Variants in HK2 observed in about 807,000 individuals in gnomAD.
The protein encoded by HK2 is hexokinase-2.
Under a neutral mutation model 92.9 loss-of-function variants are expected in HK2, and 42 were observed. The ratio of observed to expected loss-of-function variants is 0.45; its 90% CI spans 0.35 to 0.58. The LOEUF (loss-of-function observed/expected upper bound fraction) is 0.58, where lower values mean the gene tolerates loss of function less well. Among genes scored for constraint, HK2 ranks in the 20% least tolerant of loss-of-function variants. HK2 has a pLI of 0.00. For synonymous variants in HK2, 422 were observed against 468.0 expected, an observed-to-expected ratio of 0.90 and a Z score of 1.27; for missense variants, 978 against 1,245.1, an observed-to-expected ratio of 0.79 and a Z score of 3.23.
In HK2 at chr2:74,834,712, C is replaced by T; in HGVS notation, c.63+69C>T. On this transcript the variant is annotated intron_variant, in intron 1 of 17. Transcript: ENST00000290573. The surrounding 1 kb of genome is among the most constrained non-coding windows in gnomAD (Gnocchi z 4.2). ...TGGTCTGGCCTCCATCAGTCTCTTC[C>T]TCGACCCTGCGGGGACCCGCTTCCT... 11 of 1,534,672 alleles carry T rather than the reference C, an allele frequency of 7.2e-6. No individual in the cohort carries two copies. Among genetic ancestry groups the T allele is most frequent in the Non-Finnish European group, 9.9e-6 (11 of 1,108,344 alleles).
intron 8 of HK2, among the ~76,000 whole-genome samples, 196 bp downstream of exon 8, chr2:74,877,517 TG>T (rs1284501950): frequency 3.3e-5 from 5 of 152,188 alleles, no homozygotes; most frequent in African/African-American, 1.2e-4. Context: ...CGATTGTGAT[TG>T]CTACCAGTGA....
At chr2:74,867,580 T>G in intron 2 of HK2, 56 bp from the exon 3 acceptor site, 1 of 1,604,830 alleles carries the variant, frequency 6.2e-7, no homozygotes, top group Non-Finnish European at 8.5e-7. Flanking sequence ...TAAGTCTCGG[T>G]TGGTTCCTGG....
In HK2 at chr2:74,869,452, T is replaced by C. The variant is rs1689041965; in HGVS notation, c.375+1668T>C. 2.0e-5 allele frequency among the ~76,000 whole-genome samples: 3 copies of C among 152,336 alleles called. No homozygotes were observed. The South Asian group carries it at 6.2e-4, about 32-fold the overall frequency. On this transcript the variant is annotated intron_variant, in intron 3 of 17. Coordinates refer to ENST00000290573, the MANE Select transcript of HK2 (RefSeq NM_000189.5). ...AACAAATGGATTGTAAATATACACT[T>C]TGGTTAAGAACAAATCTTGGAATCC...
chr2:74,875,136 C>T (rs1276876699), intron 7 of HK2, among the ~76,000 whole-genome samples: 2 of 152,112 alleles, frequency 1.3e-5, no homozygotes, highest in African/African-American at 2.4e-5. Context: ...GCCAAATGTG[C>T]GTGTGAAAGA....
intron 2 of HK2, among the ~76,000 whole-genome samples, chr2:74,858,804 T>G (rs1173368069): frequency 1.3e-5 from 2 of 152,172 alleles, no homozygotes; most frequent in African/African-American, 4.8e-5. Context: ...TTTCAGGCCA[T>G]TTATTTGTGG....
chr2:74,877,304 C>A lies in HK2; in HGVS notation c.1014C>A (p.Asp338Glu). Residue 338 changes from aspartate to glutamate, a missense_variant, in exon 8 of 18, where the codon GAC becomes GAA. Transcript: ENST00000290573. ...ACACCGGTCGCTTTGAGACCAAAGA[C>A]ATCTCAGACATTGAAGGGTGAGCTT... Reference protein sequence around the residue: ...LLNTGRFETKDISDIEGEKDG... With the variant: ...LLNTGRFETKEISDIEGEKDG... 6.2e-6 allele frequency: 10 copies of A among 1,614,078 alleles called. No homozygotes were observed. The highest frequency in any genetic ancestry group is 8.5e-6 in the Non-Finnish European group (10 of 1,179,978).
intron 2 of HK2, among the ~76,000 whole-genome samples, chr2:74,863,609 A>T (rs1173912655): frequency 6.6e-6 from 1 of 152,220 alleles, no homozygotes; most frequent in Non-Finnish European, 1.5e-5. Flanking sequence ...TTACCTGCTT[A>T]GGACTTGGAG....
chr2:74,891,883 G>A lies in HK2; in HGVS notation c.*942G>A, dbSNP rs1220600100. ...AGAATTGGCCTCAGTGTAGTTAAAG[G>A]GCAGAAGGGGAAGATACTGACTAGT... On this transcript the variant is annotated 3_prime_UTR_variant, in exon 18 of 18. Coordinates refer to ENST00000290573, the MANE Select transcript of HK2 (RefSeq NM_000189.5). The A allele has an allele frequency of 2.6e-5, 4 of 152,636 alleles. No homozygotes were observed. Among genetic ancestry groups the A allele is most frequent in the Admixed American group, 2.0e-4 (3 of 15,280 alleles). 9.5% of individuals were successfully genotyped at this position (152,636 alleles called of 1,614,324 possible).
chr2:74,852,892 C>T (rs1688603011), intron 1 of HK2, among the ~76,000 whole-genome samples: 1 of 152,144 alleles, frequency 6.6e-6, no homozygotes, highest in Admixed American at 6.5e-5. Context: ...GTGCCAGCCT[C>T]CAGGTATGCA....
chr2:74,864,681 A>G (rs1179181665), intron 2 of HK2, among the ~76,000 whole-genome samples: 3 of 152,060 alleles, frequency 2.0e-5, no homozygotes, highest in African/African-American at 7.2e-5. Context: ...AAATTTTTGT[A>G]TTATTAGTAG....
intron 2 of HK2, among the ~76,000 whole-genome samples, chr2:74,864,039 T>A (rs142930964): frequency 6.6e-6 from 1 of 152,298 alleles, no homozygotes; most frequent in Non-Finnish European, 1.5e-5. Context: ...GAAAGTCCCA[T>A]GTCATAGGAA....
intron 6 of HK2, 147 bp from the exon 7 acceptor site, chr2:74,874,119 T>G (rs1689166216): frequency 1.9e-6 from 2 of 1,075,212 alleles, no homozygotes; most frequent in Non-Finnish European, 1.4e-6. Context: ...GGCAGAAGAT[T>G]AGACCATGTA....
intron 1 of HK2, among the ~76,000 whole-genome samples, chr2:74,840,715 A>C (rs1383524820): frequency 2.1e-5 from 3 of 144,182 alleles, no homozygotes; most frequent in Non-Finnish European, 4.5e-5. Flanking sequence ...AAAATACAAA[A>C]AAAAAAAAAA....
chr2:74,850,485 G>A (rs1480164869), intron 1 of HK2, among the ~76,000 whole-genome samples: 1 of 152,174 alleles, frequency 6.6e-6, no homozygotes, highest in Non-Finnish European at 1.5e-5. Flanking sequence ...AGACAAACTA[G>A]ATAAATTCGA....
intron 17 of HK2, 77 bp from the exon 18 acceptor site, chr2:74,890,720 C>A: frequency 6.6e-7 from 1 of 1,518,928 alleles, no homozygotes; most frequent in Non-Finnish European, 9.1e-7. Flanking sequence ...CGCTTCTTAG[C>A]TTTCATTTCT....
rs536326104 is a variant in HK2 at position 74,838,328 on chromosome 2, G to A, written c.63+3685G>A. On this transcript the variant is annotated intron_variant, in intron 1 of 17. Transcript: ENST00000290573. ...TGCAGGAAGTGGAGGAGCTGGGCAG[G>A]GCCAGCTAGTCTTAGGCTAAAGGGA... Among the ~76,000 whole-genome samples, 11 of 152,154 alleles carry A rather than the reference G, an allele frequency of 7.2e-5. No individual in the cohort carries two copies. The East Asian group carries it at 1.9e-3, about 27-fold the overall frequency.
chr2:74,876,002 T>C (rs193182593), intron 7 of HK2, among the ~76,000 whole-genome samples: 72 of 152,360 alleles, frequency 4.7e-4, no homozygotes, highest in African/African-American at 1.7e-3. Context: ...AAATGTTGAC[T>C]GGAACAAAGT....
Position 74,858,062 on chromosome 2 carries a change from A to G in HK2, c.226+3607A>G, listed in dbSNP as rs142369047. 6.2e-3 allele frequency among the ~76,000 whole-genome samples: 942 copies of G among 152,308 alleles called. 3 individuals are homozygous for G. Among genetic ancestry groups the G allele is most frequent in the Non-Finnish European group, 9.7e-3 (660 of 68,022 alleles). ...CTGAGAAACCAAACCCCAGATCTAG[A>G]GGGAGCCAATTTTTAAATCCATAGC... On this transcript the variant is annotated intron_variant, in intron 2 of 17. Transcript: ENST00000290573.
At chr2:74,883,982 A>T (rs1020538244) in intron 12 of HK2, among the ~76,000 whole-genome samples, 2 of 152,240 alleles carry the variant, frequency 1.3e-5, no homozygotes, top group African/African-American at 4.8e-5. Flanking sequence ...TAATCTCTTT[A>T]TAAAAAAACA....
Sources: allele counts gnomAD v4.1 joint callset (sites outside exome capture counted in the v4.1 genomes callset), GRCh38; gene constraint gnomAD v4.1.1; non-coding constraint Gnocchi (gnomAD v3.1); transcripts MANE v1.5; gene names NCBI Gene and HGNC (gene_info 2026-07-23, HGNC 2026-07-21).